Variants in SNAP29 observed in about 807,000 individuals in gnomAD.
The protein encoded by SNAP29 is synaptosomal-associated protein 29.
In SNAP29, 13 loss-of-function variants were observed where a neutral mutation model predicts 27.9. The ratio of observed to expected loss-of-function variants is 0.47; its 90% CI spans 0.30 to 0.74. SNAP29 has a LOEUF of 0.74. Ranked by LOEUF, SNAP29 falls within the 30% of genes least tolerant of loss-of-function variation. SNAP29 has a pLI of 0.06. For missense variants in SNAP29, 368 were observed against 336.5 expected, an observed-to-expected ratio of 1.09 and a Z score of -0.73; for synonymous variants, 119 against 127.1, an observed-to-expected ratio of 0.94 and a Z score of 0.43.
chr22:20,868,071 A>G lies in SNAP29; in HGVS notation c.238-2266A>G, dbSNP rs1269218943. ...ACTGGACTGTCAGAAAAACATGTAG[A>G]TGCTGGAGAAAATCTGTTAATCCTA... On this transcript the variant is annotated intron_variant, in intron 1 of 4. Transcript: ENST00000215730. Among the ~76,000 whole-genome samples, 5 of 152,212 alleles carry G rather than the reference A, an allele frequency of 3.3e-5. No homozygotes were observed. In the East Asian group the frequency reaches 5.8e-4, roughly 18 times the overall value.
At chr22:20,861,032 A>T (rs144190037) in intron 1 of SNAP29, among the ~76,000 whole-genome samples, 7 of 151,726 alleles carry the variant, frequency 4.6e-5, no homozygotes. Context: ...GCAACACGCT[A>T]TCATTTCCCC....
chr22:20,876,937 G>GAAACA (rs1928762102), intron 2 of SNAP29, among the ~76,000 whole-genome samples: 1 of 152,076 alleles, frequency 6.6e-6, no homozygotes, highest in Admixed American at 6.6e-5. Flanking sequence ...TTTGTCTCTT[G>GAAACA]GGAAGCCCTG....
intron 3 of SNAP29, among the ~76,000 whole-genome samples, chr22:20,882,383 A>C (rs1928909966): frequency 1.3e-5 from 2 of 151,956 alleles, no homozygotes; most frequent in Admixed American, 1.3e-4. Flanking sequence ...TCTGGAAAGG[A>C]ATTTAGGGCT....
chr22:20,883,540 C>T lies in SNAP29; in HGVS notation c.590C>T (p.Ala197Val). The change falls in exon 4 of 5, where the codon GCC becomes GTC. Residue 197 changes from alanine to valine, a missense_variant. Ala to Val is a moderately conservative substitution (Grantham distance 64). Coordinates refer to ENST00000215730, the MANE Select transcript of SNAP29 (RefSeq NM_004782.4). Reference protein sequence around the residue: ...DAYPKNPHLRAYHQKIDSNLD... With the variant: ...DAYPKNPHLRVYHQKIDSNLD... ...TACCCAAAGAACCCACACCTTCGAGCCTATCACCAGAAGATCGACAGCAAC... is the reference window on the plus strand; with the variant it reads ...TACCCAAAGAACCCACACCTTCGAGTCTATCACCAGAAGATCGACAGCAAC... 1 of 1,613,108 alleles carries T rather than the reference C, an allele frequency of 6.2e-7. No individual in the cohort carries two copies. Among genetic ancestry groups the T allele is most frequent in the South Asian group, 1.1e-5 (1 of 91,060 alleles).
Position 20,889,818 on chromosome 22 carries a change from C to T in SNAP29, c.*1982C>T, listed in dbSNP as rs1162098334. The T allele has an allele frequency of 6.5e-6, 1 of 153,928 alleles. No homozygotes were observed. Among genetic ancestry groups the T allele is most frequent in the East Asian group, 1.9e-4 (1 of 5,290 alleles). 9.5% of individuals were successfully genotyped at this position (153,928 alleles called of 1,614,324 possible). A position where few individuals can be genotyped will look rare whatever the true frequency, so the allele number is the denominator to read the frequency against. ...GTAAAGGCCACTGCCACATTCTCAG[C>T]AGACTTCCACTTGCCTAATGAGATT... On this transcript the variant is annotated 3_prime_UTR_variant, in exon 5 of 5. Coordinates refer to ENST00000215730, the MANE Select transcript of SNAP29 (RefSeq NM_004782.4).
chr22:20,873,758 A>G (rs1172194800), intron 2 of SNAP29, among the ~76,000 whole-genome samples: 2 of 146,378 alleles, frequency 1.4e-5, no homozygotes, highest in Non-Finnish European at 3.0e-5. Context: ...GTTTGAGGTC[A>G]GGAGTGTGAG....
chr22:20,890,195 C>T lies in SNAP29; in HGVS notation c.*2359C>T. Reference sequence around the variant, plus strand: ...CTGATGCTACTTTATAAATGAGTTGCTTGCATTTTCACAGAGAATGAAGGA... The same window carrying T: ...CTGATGCTACTTTATAAATGAGTTGTTTGCATTTTCACAGAGAATGAAGGA... On this transcript the variant is annotated 3_prime_UTR_variant, in exon 5 of 5. Transcript: ENST00000215730. The T allele has an allele frequency of 2.5e-6, 1 of 398,258 alleles. No individual in the cohort carries two copies. The highest frequency in any genetic ancestry group is 4.4e-5 in the Admixed American group (1 of 22,694). 24.7% of individuals were successfully genotyped at this position (398,258 alleles called of 1,614,324 possible).
At chr22:20,872,646 C>T (rs1176860592) in intron 2 of SNAP29, among the ~76,000 whole-genome samples, 3 of 151,950 alleles carry the variant, frequency 2.0e-5, no homozygotes, top group East Asian at 1.9e-4. Flanking sequence ...GTGATCCATC[C>T]GCCTCCGCCT....
chr22:20,874,871 G>C (rs1601650273), intron 2 of SNAP29, among the ~76,000 whole-genome samples: 1 of 152,002 alleles, frequency 6.6e-6, no homozygotes, highest in East Asian at 1.9e-4. Flanking sequence ...CATAGGAGAA[G>C]GTAGGATGTT....
intron 2 of SNAP29, among the ~76,000 whole-genome samples, chr22:20,880,075 T>A (rs2147870582): frequency 6.6e-6 from 1 of 152,142 alleles, no homozygotes; most frequent in East Asian, 1.9e-4. Context: ...AGTGCACTAA[T>A]GAGAGGAATG....
At chr22:20,860,131 G>T (rs560549891) in intron 1 of SNAP29, among the ~76,000 whole-genome samples, 2 of 151,328 alleles carry the variant, frequency 1.3e-5, no homozygotes, top group Non-Finnish European at 2.9e-5. Context: ...GCGTCGGATC[G>T]CCTGAGCTCA....
intron 1 of SNAP29, among the ~76,000 whole-genome samples, chr22:20,868,190 T>A (rs1412245405): frequency 6.6e-6 from 1 of 152,242 alleles, no homozygotes; most frequent in Non-Finnish European, 1.5e-5. Context: ...GCCAGATACA[T>A]TAGCAGCTCT....
chr22:20,886,503 T>C (rs1374932647), intron 4 of SNAP29, among the ~76,000 whole-genome samples: 5 of 148,052 alleles, frequency 3.4e-5, no homozygotes, highest in Non-Finnish European at 4.5e-5. Context: ...GAGACGGGGT[T>C]TCACCATGTT....
At chr22:20,867,585 C>CT (rs1209611863) in intron 1 of SNAP29, among the ~76,000 whole-genome samples, 1 of 152,196 alleles carries the variant, frequency 6.6e-6, no homozygotes, top group African/African-American at 2.4e-5. Context: ...CCTTGCTGGC[C>CT]TCATGACCTC....
In SNAP29 at chr22:20,877,148, G is replaced by A. The variant is rs112152515; in HGVS notation, c.435-3901G>A. On this transcript the variant is annotated intron_variant, in intron 2 of 4. Coordinates refer to ENST00000215730, the MANE Select transcript of SNAP29 (RefSeq NM_004782.4). ...CCTAGAAATTGGCTTTCTTGGCTGAGCGTGGTGGCTCACGCCTATAATCCC... is the reference window on the plus strand; with the variant it reads ...CCTAGAAATTGGCTTTCTTGGCTGAACGTGGTGGCTCACGCCTATAATCCC... Among the ~76,000 whole-genome samples the A allele has an allele frequency of 6.6e-3, 1,012 of 152,334 alleles. 7 individuals carry two copies. Among genetic ancestry groups the A allele is most frequent in the African/African-American group, 0.023 (945 of 41,580 alleles).
At chr22:20,862,307 A>G (rs1459866956) in intron 1 of SNAP29, among the ~76,000 whole-genome samples, 1 of 152,240 alleles carries the variant, frequency 6.6e-6, no homozygotes, top group Admixed American at 6.5e-5. Flanking sequence ...CAATGATTCA[A>G]AGTAGGGCAT....
chr22:20,873,333 A>T (rs552885143), intron 2 of SNAP29, among the ~76,000 whole-genome samples: 23 of 152,112 alleles, frequency 1.5e-4, no homozygotes, highest in Non-Finnish European at 3.4e-4. Flanking sequence ...TTTTTAATGC[A>T]TCACTAAGGT....
At chr22:20,881,234 G>A (rs1286789131) in intron 3 of SNAP29, 100 bp downstream of exon 3, 2 of 830,062 alleles carry the variant, frequency 2.4e-6, no homozygotes, top group African/African-American at 3.4e-5. Context: ...TCTCTGGGGA[G>A]GTGGGCAGGG....
intron 4 of SNAP29, 107 bp from the exon 5 acceptor site, chr22:20,887,572 C>A (rs371713318): frequency 8.3e-7 from 1 of 1,204,106 alleles, no homozygotes; most frequent in Non-Finnish European, 1.2e-6. Flanking sequence ...GCAGTCCCCC[C>A]AGGCAACACA....
Sources: allele counts gnomAD v4.1 joint callset (sites outside exome capture counted in the v4.1 genomes callset), GRCh38; gene constraint gnomAD v4.1.1; transcripts MANE v1.5; gene names NCBI Gene and HGNC (gene_info 2026-07-23, HGNC 2026-07-21).